ALX4: variants seen among roughly 807,000 people sequenced by gnomAD.
The protein encoded by ALX4 is ALX homeobox 4.
In ALX4, 22 loss-of-function variants were observed where a neutral mutation model predicts 40.6. That is an observed-to-expected ratio of 0.54 (90% CI 0.39 to 0.77). The LOEUF (loss-of-function observed/expected upper bound fraction) is 0.77. Ranked by LOEUF, ALX4 falls within the 30% of genes least tolerant of loss-of-function variation. The probability of loss-of-function intolerance (pLI) is 0.00; values close to 1 mark genes in which losing one functional copy is unlikely to be tolerated. For missense variants in ALX4, 556 were observed against 564.8 expected, an observed-to-expected ratio of 0.98 and a Z score of 0.16; for synonymous variants, 266 against 240.5, an observed-to-expected ratio of 1.11 and a Z score of -0.98.
Position 44,286,196 on chromosome 11 carries a change from G to T in ALX4, c.467-10538C>A, listed in dbSNP as rs553427085. On this transcript the variant is annotated intron_variant, in intron 1 of 3. Coordinates refer to ENST00000652299, the MANE Select transcript of ALX4 (RefSeq NM_021926.4). ...GAAGAAGGGACCTTTCAGGATGAGG[G>T]GGGTCGAGGAAACCAGCCACAGCGC... Among the ~76,000 whole-genome samples, 9 of 152,312 alleles carry T rather than the reference G, an allele frequency of 5.9e-5. No homozygotes were observed. In the East Asian group the frequency reaches 1.7e-3, roughly 29 times the overall value.
chr11:44,272,674 T>A (rs556595202), intron 2 of ALX4, among the ~76,000 whole-genome samples: 3 of 151,608 alleles, frequency 2.0e-5, no homozygotes, highest in Admixed American at 2.0e-4. Flanking sequence ...CTGGGTGTAG[T>A]GGTGCATGCC....
chr11:44,267,434 G>A, intron 3 of ALX4, 60 bp downstream of exon 3: 1 of 1,605,364 alleles, frequency 6.2e-7, no homozygotes, highest in African/African-American at 1.3e-5. Context: ...CCTCCAAGGG[G>A]CTCATTCTCA....
In ALX4 at chr11:44,273,458, G is replaced by A. The variant is rs148849490; in HGVS notation, c.777+1890C>T. Among the ~76,000 whole-genome samples, 670 of 152,214 alleles carry A rather than the reference G, an allele frequency of 4.4e-3. 4 individuals are homozygous for A. Among genetic ancestry groups the A allele is most frequent in the Non-Finnish European group, 7.4e-3 (504 of 68,018 alleles). ...TCTTTGCTGTGAATTCATGCTGGTC[G>A]GGGCAGATACAGCTCTCTGGACAAG... On this transcript the variant is annotated intron_variant, in intron 2 of 3. Transcript: ENST00000652299.
intron 1 of ALX4, among the ~76,000 whole-genome samples, chr11:44,283,903 G>GTC (rs146457179): frequency 3.3e-5 from 5 of 151,624 alleles, no homozygotes; most frequent in Admixed American, 6.6e-5. Context: ...CTTGTTTATT[G>GTC]TCTCTCTCTC....
intron 1 of ALX4, among the ~76,000 whole-genome samples, chr11:44,308,601 C>T (rs1408043870): frequency 6.6e-6 from 1 of 152,260 alleles, no homozygotes; most frequent in East Asian, 1.9e-4. Context: ...GGCTACTGAG[C>T]TGCTCTGGCT....
intron 1 of ALX4, among the ~76,000 whole-genome samples, chr11:44,304,233 C>A (rs1160500276): frequency 6.6e-6 from 1 of 152,252 alleles, no homozygotes; most frequent in Non-Finnish European, 1.5e-5. Flanking sequence ...GAGAACCCTG[C>A]GCTGCGGGCG....
At chr11:44,295,866 C>A (rs1045618354) in intron 1 of ALX4, among the ~76,000 whole-genome samples, 12 of 152,340 alleles carry the variant, frequency 7.9e-5, no homozygotes, top group Admixed American at 7.8e-4. Context: ...ACTGAAGGGG[C>A]AGAGGGGCCC....
intron 1 of ALX4, among the ~76,000 whole-genome samples, chr11:44,294,853 TA>T (rs1956393883): frequency 6.6e-6 from 1 of 151,756 alleles, no homozygotes; most frequent in South Asian, 2.1e-4. Flanking sequence ...TTTATTTATT[TA>T]TTTATTTATT....
At chr11:44,294,570 C>T (rs1008111646) in intron 1 of ALX4, among the ~76,000 whole-genome samples, 2 of 152,154 alleles carry the variant, frequency 1.3e-5, no homozygotes, top group Admixed American at 1.3e-4. Context: ...GCCCCCGCTG[C>T]GTTAGGTAGA....
chr11:44,275,698 AC>A (rs1323574007), intron 1 of ALX4, 40 bp from the exon 2 acceptor site: 2 of 1,597,574 alleles, frequency 1.3e-6, no homozygotes, highest in Non-Finnish European at 8.5e-7. Flanking sequence ...CAATGGTTGA[AC>A]CAAACAAGAG....
chr11:44,278,121 C>CCTGAGCT (rs1179603091), intron 1 of ALX4, among the ~76,000 whole-genome samples: 7 of 152,000 alleles, frequency 4.6e-5, no homozygotes, highest in African/African-American at 1.7e-4. Context: ...AGCACTGAGC[C>CCTGAGCT]CTGAGCTCTG....
intron 1 of ALX4, 127 bp downstream of exon 1, chr11:44,309,470 C>G: frequency 1.4e-6 from 2 of 1,479,372 alleles, no homozygotes; most frequent in Non-Finnish European, 1.8e-6. Context: ...ATCCCGTTTA[C>G]CGACCAGAGT....
intron 1 of ALX4, among the ~76,000 whole-genome samples, chr11:44,278,288 A>C (rs908002955): frequency 6.6e-6 from 1 of 152,186 alleles, no homozygotes; most frequent in Admixed American, 6.5e-5. Flanking sequence ...CAGAGAGAGA[A>C]GGGAACATGC....
At chr11:44,285,109 C>A (rs1341906870) in intron 1 of ALX4, among the ~76,000 whole-genome samples, 1 of 152,182 alleles carries the variant, frequency 6.6e-6, no homozygotes, top group Non-Finnish European at 1.5e-5. Flanking sequence ...GGATTACAGG[C>A]ACCCAGCACC....
At chr11:44,289,266 A>G (rs1396100580) in intron 1 of ALX4, among the ~76,000 whole-genome samples, 2 of 152,196 alleles carry the variant, frequency 1.3e-5, no homozygotes, top group Non-Finnish European at 2.9e-5. Flanking sequence ...AGATACCAAG[A>G]TACCATCCCC....
At chr11:44,309,482 A>C in intron 1 of ALX4, 115 bp downstream of exon 1, 2 of 1,494,060 alleles carry the variant, frequency 1.3e-6, no homozygotes, top group Non-Finnish European at 1.8e-6. Flanking sequence ...GACCAGAGTC[A>C]CCACCCCGCC....
At chr11:44,292,377 A>AATTTTT (rs1565007139) in intron 1 of ALX4, among the ~76,000 whole-genome samples, 1 of 93,112 alleles carries the variant, frequency 1.1e-5, no homozygotes, top group Non-Finnish European at 2.1e-5. Context: ...GGCTAATTAA[A>AATTTTT]TTTTTTTTTT....
chr11:44,265,102 C>T lies in ALX4; in HGVS notation c.988G>A (p.Ala330Thr). The change falls in exon 4 of 4, where the codon GCC becomes ACC. Residue 330 changes from alanine (A) to threonine (T), a missense_variant. Physicochemically the swap from Ala to Thr is moderately conservative, Grantham distance 58. Coordinates refer to ENST00000652299, the MANE Select transcript of ALX4 (RefSeq NM_021926.4). ...ACVVPCDPVP[A>T]CMSPHAHPPG... is the part of the protein sequence containing the mutation. ...GGGTGGGCATGAGGGGACATGCAGG[C>T]AGGCACCGGGTCGCAGGGGACCACG... 1 of 1,612,490 alleles carries T rather than the reference C, an allele frequency of 6.2e-7. No individual in the cohort carries two copies. The highest frequency in any genetic ancestry group is 8.5e-7 in the Non-Finnish European group (1 of 1,179,672).
rs1408421322 is a variant in ALX4, at chr11:44,310,106, C to G, written c.-44G>C. 6.5e-6 allele frequency: 10 copies of G among 1,536,186 alleles called. No homozygotes were observed. Among genetic ancestry groups the G allele is most frequent in the Non-Finnish European group, 7.9e-6 (9 of 1,138,634 alleles). On this transcript the variant is annotated 5_prime_UTR_variant, in exon 1 of 4. Coordinates refer to ENST00000652299, the MANE Select transcript of ALX4 (RefSeq NM_021926.4). ...GCGGGCGGGGACGCGAGCGAGGGCG[C>G]GAGGACGCCACCGCGCGCCTTGGCT...
Sources: gnomAD v4.1 joint callset for allele counts (sites outside exome capture counted in the v4.1 genomes callset) on GRCh38, gnomAD v4.1.1 for gene constraint, MANE v1.5 for transcripts, NCBI Gene and HGNC (gene_info 2026-07-23, HGNC 2026-07-21) for gene names.